The following RBMS3 variants were observed in gnomAD, a reference collection of about 807,000 sequenced individuals.
RBMS3 encodes the protein RNA-binding motif, single-stranded-interacting protein 3.
Under a neutral mutation model 66.8 loss-of-function variants are expected in RBMS3, and 27 were observed. That is an observed-to-expected ratio of 0.40 (90% CI 0.30 to 0.56). The LOEUF is 0.56. RBMS3 is among the 20% of genes least tolerant of loss of function. RBMS3 has a pLI of 0.40. For missense variants in RBMS3, 513 were observed against 549.5 expected (o/e 0.93, Z 0.66); for synonymous variants, 188 against 183.0 (o/e 1.03, Z -0.22).
At chr3:29,985,326 G>A (rs148940358) in intron 12 of RBMS3, among the ~76,000 whole-genome samples, 3 of 152,080 alleles carry the variant, frequency 2.0e-5, no homozygotes, top group Admixed American at 1.3e-4. Context: ...CTCCGTAGAG[G>A]TGGCACCCTG....
intron 6 of RBMS3, among the ~76,000 whole-genome samples, chr3:29,776,688 C>T (rs1168798908): frequency 2.0e-5 from 3 of 151,934 alleles, no homozygotes; most frequent in African/African-American, 7.2e-5. Context: ...ATTTCATCAA[C>T]ATCCACCTTC....
chr3:29,441,073 G>A (rs1026492943), intron 2 of RBMS3, among the ~76,000 whole-genome samples: 2 of 152,144 alleles, frequency 1.3e-5, no homozygotes, highest in Non-Finnish European at 1.5e-5. Context: ...GCTGTCTTCT[G>A]CAAGTCAGAC....
At chr3:29,904,131 A>G (rs1052810501) in intron 10 of RBMS3, among the ~76,000 whole-genome samples, 1 of 152,002 alleles carries the variant, frequency 6.6e-6, no homozygotes, top group Non-Finnish European at 1.5e-5. Flanking sequence ...ACCGTTAAAT[A>G]TAACTTCAAA....
intron 2 of RBMS3, among the ~76,000 whole-genome samples, chr3:29,439,604 T>TATTTA (rs1315880226): frequency 1.3e-5 from 2 of 150,976 alleles, no homozygotes; most frequent in Non-Finnish European, 2.9e-5. Flanking sequence ...TTTATTTATT[T>TATTTA]ATTTATTTTT....
chr3:29,934,087 C>A (rs1028682244), intron 10 of RBMS3: 2 of 152,038 alleles, frequency 1.3e-5, no homozygotes, highest in African/African-American at 2.4e-5. Context: ...CCTTACCAAA[C>A]GCAGTTTGGT....
chr3:29,868,372 A>C (rs2059410987), intron 6 of RBMS3, among the ~76,000 whole-genome samples: 2 of 152,152 alleles, frequency 1.3e-5, no homozygotes, highest in South Asian at 4.1e-4. Flanking sequence ...GCCATTTAGA[A>C]ATTACAGGGG....
chr3:29,574,863 A>AC (rs1491244044), intron 3 of RBMS3, among the ~76,000 whole-genome samples: 9 of 149,624 alleles, frequency 6.0e-5, no homozygotes, highest in Non-Finnish European at 1.2e-4. Flanking sequence ...ACACACACAC[A>AC]AGAAAATTAA....
At chr3:29,750,317 C>T (rs970203474) in intron 5 of RBMS3, among the ~76,000 whole-genome samples, 7 of 152,092 alleles carry the variant, frequency 4.6e-5, no homozygotes, top group African/African-American at 1.2e-4. Context: ...TTATAAATAA[C>T]GTTTTGAGAA....
chr3:29,378,205 G>A (rs2038576163), intron 1 of RBMS3, among the ~76,000 whole-genome samples: 2 of 152,178 alleles, frequency 1.3e-5, no homozygotes, highest in Non-Finnish European at 2.9e-5. Flanking sequence ...GGGCACGGTG[G>A]CTCACGCCTG....
rs71091078 is a variant in RBMS3, at chr3:29,820,188, C to CAAAA, written c.638-48619_638-48616dup. On this transcript the variant is annotated intron_variant, in intron 6 of 14. Coordinates refer to ENST00000383767, the MANE Select transcript of RBMS3 (RefSeq NM_001003793.3). ...TGGGTAACAGAGTGAGACTTCTTCT[C>CAAAA]AAAAAAAAAAAAAAAAAAAAAAAAA... 3.0e-4 allele frequency among the ~76,000 whole-genome samples: 21 copies of CAAAA among 69,822 alleles called. 1 individual carries two copies. Among genetic ancestry groups the CAAAA allele is most frequent in the South Asian group, 7.9e-4 (1 of 1,258 alleles). The allele number at this position is 69,822 out of a possible 152,430, so 45.8% of individuals were successfully genotyped here. A position where few individuals can be genotyped will look rare whatever the true frequency, so the allele number is the denominator to read the frequency against.
At chr3:29,480,589 C>T (rs1248004485) in intron 2 of RBMS3, among the ~76,000 whole-genome samples, 1 of 152,118 alleles carries the variant, frequency 6.6e-6, no homozygotes, top group Non-Finnish European at 1.5e-5. Flanking sequence ...AATATTTTTA[C>T]CAATTAGAAA....
chr3:29,435,186 G>A (rs1215545997), intron 2 of RBMS3, among the ~76,000 whole-genome samples: 1 of 152,224 alleles, frequency 6.6e-6, no homozygotes, highest in Non-Finnish European at 1.5e-5. Context: ...TGAAGATCAA[G>A]TAATAGAGTT....
chr3:29,489,069 C>T (rs185132442), intron 3 of RBMS3, among the ~76,000 whole-genome samples: 2 of 152,202 alleles, frequency 1.3e-5, no homozygotes, highest in Admixed American at 1.3e-4. Context: ...GTCTGGGAGT[C>T]CTATATTCTT....
chr3:29,306,658 T>C (rs972758860), intron 1 of RBMS3, among the ~76,000 whole-genome samples: 1 of 151,896 alleles, frequency 6.6e-6, no homozygotes, highest in African/African-American at 2.4e-5. Context: ...GTCATATCCA[T>C]ATACATAAGG....
chr3:29,607,258 T>C (rs2149127412), intron 4 of RBMS3, among the ~76,000 whole-genome samples: 1 of 152,142 alleles, frequency 6.6e-6, no homozygotes, highest in South Asian at 2.1e-4. Flanking sequence ...CCCATTGGGC[T>C]GTTATAGTAA....
chr3:29,922,472 C>T (rs10440102), intron 10 of RBMS3, among the ~76,000 whole-genome samples: 1 of 122,776 alleles, frequency 8.1e-6, no homozygotes. Context: ...CCGGCCTGGG[C>T]GACAGAGCGA....
chr3:29,561,744 C>A, intron 3 of RBMS3, among the ~76,000 whole-genome samples: 1 of 152,162 alleles, frequency 6.6e-6, no homozygotes, highest in East Asian at 1.9e-4. Flanking sequence ...AGCCACCATG[C>A]CTGGCCCTTG....
chr3:29,424,709 A>G (rs2040876321), intron 1 of RBMS3, among the ~76,000 whole-genome samples: 1 of 152,176 alleles, frequency 6.6e-6, no homozygotes, highest in Non-Finnish European at 1.5e-5. Context: ...TTCTGATTGT[A>G]TTTCCATTAC....
intron 6 of RBMS3, among the ~76,000 whole-genome samples, chr3:29,825,793 T>A (rs570218747): frequency 6.6e-6 from 1 of 152,210 alleles, no homozygotes; most frequent in Non-Finnish European, 1.5e-5. Flanking sequence ...GCTCTGCCAC[T>A]CATTTGCAAG....
Sources: gnomAD v4.1 joint callset for allele counts (sites outside exome capture counted in the v4.1 genomes callset) on GRCh38, gnomAD v4.1.1 for gene constraint, MANE v1.5 for transcripts, NCBI Gene and HGNC (gene_info 2026-07-23, HGNC 2026-07-21) for gene names.